Variants in ARHGAP18 observed in about 807,000 individuals in gnomAD.
The protein encoded by ARHGAP18 is rho GTPase-activating protein 18.
Under a neutral mutation model 86.2 loss-of-function variants are expected in ARHGAP18, and 67 were observed. That is an observed-to-expected ratio of 0.78 (90% CI 0.64 to 0.95). The LOEUF (loss-of-function observed/expected upper bound fraction) is 0.95. ARHGAP18 is among the 40% of genes least tolerant of loss of function. The probability of loss-of-function intolerance (pLI) is 0.00; values close to 1 mark genes in which losing one functional copy is unlikely to be tolerated. For synonymous variants in ARHGAP18, 283 were observed against 280.4 expected (o/e 1.01, Z -0.09); for missense variants, 691 against 780.4 (o/e 0.89, Z 1.37).
At chr6:129,704,260 C>T (rs1364632562) in intron 1 of ARHGAP18, among the ~76,000 whole-genome samples, 1 of 152,102 alleles carries the variant, frequency 6.6e-6, no homozygotes, top group Non-Finnish European at 1.5e-5. Context: ...GCCTGGCCAA[C>T]ATGGTGAAAC....
chr6:129,652,413 C>G (rs949096958), intron 1 of ARHGAP18, among the ~76,000 whole-genome samples: 1 of 152,206 alleles, frequency 6.6e-6, no homozygotes, highest in Non-Finnish European at 1.5e-5. Context: ...CAAAGCTGTG[C>G]TCCTGTTTCC....
At chr6:129,604,646 AG>A (rs1400572160) in intron 10 of ARHGAP18, among the ~76,000 whole-genome samples, 31 of 152,236 alleles carry the variant, frequency 2.0e-4, no homozygotes, top group African/African-American at 7.5e-4. Flanking sequence ...ACACTTACAC[AG>A]TAGCCCTGGG....
intron 12 of ARHGAP18, among the ~76,000 whole-genome samples, chr6:129,593,110 T>G (rs1202677627): frequency 6.6e-6 from 1 of 152,160 alleles, no homozygotes; most frequent in African/African-American, 2.4e-5. Flanking sequence ...TGGGAGAGTC[T>G]GACTCAGTGG....
chr6:129,696,205 A>G (rs1212055482), intron 1 of ARHGAP18, among the ~76,000 whole-genome samples: 1 of 152,226 alleles, frequency 6.6e-6, no homozygotes, highest in African/African-American at 2.4e-5. Context: ...TCTGTGTCCC[A>G]TAGTCCCTTA....
At chr6:129,620,473 CT>C (rs1191334411) in intron 5 of ARHGAP18, among the ~76,000 whole-genome samples, 1 of 152,168 alleles carries the variant, frequency 6.6e-6, no homozygotes, top group East Asian at 1.9e-4. Flanking sequence ...CAAATATCAT[CT>C]TTTAATATTA....
chr6:129,669,924 T>C (rs750313079), intron 1 of ARHGAP18, among the ~76,000 whole-genome samples: 9 of 152,194 alleles, frequency 5.9e-5, no homozygotes, highest in Non-Finnish European at 8.8e-5. Context: ...TTTTCTAGAG[T>C]GAACAAATAT....
At chr6:129,657,357 G>C (rs1410075789) in intron 1 of ARHGAP18, among the ~76,000 whole-genome samples, 1 of 151,220 alleles carries the variant, frequency 6.6e-6, no homozygotes, top group Non-Finnish European at 1.5e-5. Context: ...TGATCAAAGA[G>C]AGGTAATTTG....
intron 3 of ARHGAP18, 112 bp from the exon 4 acceptor site, chr6:129,634,217 A>G (rs750234674): frequency 2.9e-5 from 25 of 853,470 alleles, no homozygotes; most frequent in Middle Eastern, 4.6e-4. Context: ...ACTCAGAATT[A>G]TAACAATCAC....
chr6:129,624,635 A>C (rs1789302165), intron 5 of ARHGAP18, among the ~76,000 whole-genome samples: 1 of 151,726 alleles, frequency 6.6e-6, no homozygotes, highest in Non-Finnish European at 1.5e-5. Flanking sequence ...ATTAGGTATA[A>C]ACACAGATTT....
chr6:129,623,937 T>C (rs1209810059), intron 5 of ARHGAP18, among the ~76,000 whole-genome samples: 2 of 152,200 alleles, frequency 1.3e-5, no homozygotes, highest in African/African-American at 4.8e-5. Flanking sequence ...AAGAATAGAT[T>C]AAAGTTTCCT....
At chr6:129,697,629 T>A (rs910099553) in intron 1 of ARHGAP18, among the ~76,000 whole-genome samples, 1 of 152,226 alleles carries the variant, frequency 6.6e-6, no homozygotes, top group Admixed American at 6.5e-5. Context: ...GGATTAATAA[T>A]GCACTTATAC....
At chr6:129,685,221 A>G (rs868638509) in intron 1 of ARHGAP18, among the ~76,000 whole-genome samples, 2 of 152,160 alleles carry the variant, frequency 1.3e-5, no homozygotes, top group Non-Finnish European at 2.9e-5. Flanking sequence ...ATCATGAAAT[A>G]TAGGGCTGGG....
intron 5 of ARHGAP18, among the ~76,000 whole-genome samples, chr6:129,621,336 G>A (rs1789224644): frequency 6.6e-6 from 1 of 152,288 alleles, no homozygotes; most frequent in East Asian, 1.9e-4. Flanking sequence ...CAAGTCCACT[G>A]TAAGAGGAAA....
chr6:129,647,234 A>C (rs1305313441), intron 1 of ARHGAP18, among the ~76,000 whole-genome samples: 1 of 152,144 alleles, frequency 6.6e-6, no homozygotes, highest in African/African-American at 2.4e-5. Flanking sequence ...CCTTTTGGCC[A>C]GTATATTTGA....
chr6:129,649,791 G>T (rs2114507830), intron 1 of ARHGAP18, among the ~76,000 whole-genome samples: 1 of 152,084 alleles, frequency 6.6e-6, no homozygotes, highest in African/African-American at 2.4e-5. Flanking sequence ...TTAAGAACTA[G>T]CTTTGGAAAC....
intron 1 of ARHGAP18, among the ~76,000 whole-genome samples, chr6:129,700,396 A>G (rs980577900): frequency 4.6e-5 from 7 of 152,214 alleles, no homozygotes; most frequent in African/African-American, 1.7e-4. Flanking sequence ...TATTCAAAAC[A>G]GTCACCTGGG....
Position 129,611,336 on chromosome 6 carries a change from CAA to C in ARHGAP18, c.1122+195_1122+196del, listed in dbSNP as rs765972396. Among the ~76,000 whole-genome samples the C allele has an allele frequency of 6.5e-4, 99 of 151,822 alleles. 1 individual carries two copies. Among genetic ancestry groups the C allele is most frequent in the Non-Finnish European group, 1.6e-4 (11 of 67,958 alleles). ...ATAGGTAATATGGTGATTTTGAAAA[CAA>C]AACAAAACAAAAAACTTAGCAAAAA... On this transcript the variant is annotated intron_variant, in intron 8 of 14. Coordinates refer to ENST00000368149, the MANE Select transcript of ARHGAP18 (RefSeq NM_033515.3).
At position 129,638,584 on chromosome 6, in the gene ARHGAP18, T is replaced by C. The variant is rs532064655; in HGVS notation, c.362A>G (p.Asn121Ser). The C allele has an allele frequency of 3.7e-5, 59 of 1,614,166 alleles. No individual in the cohort carries two copies. The highest frequency in any genetic ancestry group is 1.9e-4 in the South Asian group (17 of 91,078). ...EEWLKEAGLS[N>S]LFGESAGDPQ... Reference sequence around the variant, plus strand: ...ATCTCCAGCAGACTCTCCGAAGAGATTGGATAAACCGGCCTCTTTAAGCCA... The same window carrying C: ...ATCTCCAGCAGACTCTCCGAAGAGACTGGATAAACCGGCCTCTTTAAGCCA... Residue 121 changes from asparagine to serine, a missense_variant, in exon 3 of 15, where the codon AAT becomes AGT. Transcript: ENST00000368149.
intron 1 of ARHGAP18, among the ~76,000 whole-genome samples, chr6:129,698,604 G>A (rs1028591930): frequency 4.7e-5 from 7 of 149,862 alleles, no homozygotes; most frequent in Admixed American, 2.0e-4. Context: ...GTGCAGTAAC[G>A]AGATCTTGGC....
Sources: gnomAD v4.1 joint callset for allele counts (sites outside exome capture counted in the v4.1 genomes callset) on GRCh38, gnomAD v4.1.1 for gene constraint, MANE v1.5 for transcripts, NCBI Gene and HGNC (gene_info 2026-07-23, HGNC 2026-07-21) for gene names.